Variants in ARHGAP8 observed in about 807,000 individuals in gnomAD.
ARHGAP8 encodes the protein Rho GTPase activating protein 8.
ARHGAP8 carries 62 observed loss-of-function variants against 46.1 expected under a neutral mutation model. The observed-to-expected ratio is 1.34, with a 90% CI of 1.10 to 1.66. ARHGAP8 has a LOEUF of 1.66. Ranked by LOEUF, ARHGAP8 falls within the 40% of genes most tolerant of loss-of-function variation. ARHGAP8 has a pLI of 0.00. For missense variants in ARHGAP8, 923 were observed against 568.4 expected (o/e 1.62, Z -6.34); for synonymous variants, 375 against 243.1 (o/e 1.54, Z -5.05).
chr22:44,811,767 G>GACC (rs1929351188), intron 4 of ARHGAP8, among the ~76,000 whole-genome samples: 2 of 152,098 alleles, frequency 1.3e-5, no homozygotes, highest in African/African-American at 4.8e-5. Context: ...AGTCTGAGGC[G>GACC]GGTGAGTCAT....
At chr22:44,821,205 G>A (rs1930109765) in intron 5 of ARHGAP8, among the ~76,000 whole-genome samples, 1 of 152,108 alleles carries the variant, frequency 6.6e-6, no homozygotes, top group East Asian at 1.9e-4. Context: ...GCCAAGGCGG[G>A]CGGATCACGA....
chr22:44,801,368 G>GA (rs1161643528), intron 2 of ARHGAP8, among the ~76,000 whole-genome samples: 2 of 56,618 alleles, frequency 3.5e-5, no homozygotes, highest in Admixed American at 1.8e-4. Flanking sequence ...GTCTATGTGT[G>GA]GGGGCACCTC....
chr22:44,845,279 A>G lies in ARHGAP8; in HGVS notation c.607A>G (p.Lys203Glu), dbSNP rs1471086264. Reference sequence around the variant, plus strand: ...TTTCTGTTTTCTCAGCCTCAAAGACAAAAATCAAGGCGAACTCATCCCCCC... The same window carrying G: ...TTTCTGTTTTCTCAGCCTCAAAGACGAAAATCAAGGCGAACTCATCCCCCC... ...FGVSLQYLKD[K>E]NQGELIPPVL... The change falls in exon 8 of 12, where the codon AAA becomes GAA. Residue 203 changes from lysine to glutamate, a missense_variant. Physicochemically the swap from Lys to Glu is moderately conservative, Grantham distance 56. Transcript: ENST00000356099. The G allele has an allele frequency of 1.2e-6, 2 of 1,614,146 alleles. No homozygotes were observed. The highest frequency in any genetic ancestry group is 1.7e-5 in the Admixed American group (1 of 60,022).
chr22:44,791,230 T>A (rs187339993), intron 2 of ARHGAP8, among the ~76,000 whole-genome samples: 2 of 152,136 alleles, frequency 1.3e-5, no homozygotes, highest in East Asian at 3.9e-4. Flanking sequence ...TTCCGTGTCA[T>A]TAGGGGGCTG....
At chr22:44,771,701 C>G (rs934384472) in intron 1 of ARHGAP8, among the ~76,000 whole-genome samples, 17 of 151,358 alleles carry the variant, frequency 1.1e-4, no homozygotes, top group African/African-American at 1.5e-4. Flanking sequence ...ATTACAGGCA[C>G]CTGCCAACAC....
At chr22:44,809,392 C>T (rs1487775778) in intron 4 of ARHGAP8, 2 of 356,854 alleles carry the variant, frequency 5.6e-6, no homozygotes, top group African/African-American at 2.1e-5. Context: ...ACCCCTGGTC[C>T]AGTGAATTAC....
At chr22:44,799,176 C>A (rs966325076) in intron 2 of ARHGAP8, among the ~76,000 whole-genome samples, 29 of 152,218 alleles carry the variant, frequency 1.9e-4, no homozygotes, top group African/African-American at 7.0e-4. Context: ...GGAACCTTGG[C>A]CAAGGAACCT....
intron 7 of ARHGAP8, among the ~76,000 whole-genome samples, chr22:44,841,474 G>C (rs1053293767): frequency 2.0e-5 from 3 of 152,148 alleles, no homozygotes; most frequent in African/African-American, 7.2e-5. Context: ...TGCACTCCTA[G>C]CTCCACGTGG....
intron 4 of ARHGAP8, 140 bp from the exon 5 acceptor site, chr22:44,814,532 G>C: frequency 1.4e-6 from 1 of 707,724 alleles, no homozygotes; most frequent in Non-Finnish European, 2.3e-6. Context: ...TTCATTCTTT[G>C]TTTGATGTCC....
At chr22:44,799,396 G>A (rs1289884859) in intron 2 of ARHGAP8, among the ~76,000 whole-genome samples, 1 of 152,214 alleles carries the variant, frequency 6.6e-6, no homozygotes, top group Non-Finnish European at 1.5e-5. Flanking sequence ...CGGATGCGGG[G>A]GGCAACAGCT....
intron 7 of ARHGAP8, among the ~76,000 whole-genome samples, chr22:44,843,061 G>T (rs1488227324): frequency 1.3e-5 from 2 of 152,182 alleles, no homozygotes; most frequent in African/African-American, 4.8e-5. Context: ...CCAGAGGTGG[G>T]CAGTTGGAAT....
chr22:44,840,776 C>T (rs1261434377), intron 7 of ARHGAP8, among the ~76,000 whole-genome samples: 1 of 152,188 alleles, frequency 6.6e-6, no homozygotes. Context: ...AGGATGAGGA[C>T]CTGCTTCCTG....
At position 44,859,817 on chromosome 22, in the gene ARHGAP8, A is replaced by T; in HGVS notation, c.964A>T (p.Met322Leu). 2 of 1,613,050 alleles carry T rather than the reference A, an allele frequency of 1.2e-6. No individual in the cohort carries two copies. The highest frequency in any genetic ancestry group is 1.7e-6 in the Non-Finnish European group (2 of 1,179,188). The change falls in exon 11 of 12, where the codon ATG (methionine) becomes TTG (leucine). Residue 322 changes from methionine (M) to leucine (L), a missense_variant. Coordinates refer to ENST00000356099, the MANE Select transcript of ARHGAP8 (RefSeq NM_181335.3). ...CAACTACGTCGTCCTCCGCTACCTC[A>T]TGGGCTTCCTGCATGCGGTGAGTGG... The part of the protein sequence containing the change: ...EHNYVVLRYL[M>L]GFLHAVSRES...
chr22:44,775,541 G>A (rs1159565434), intron 1 of ARHGAP8, among the ~76,000 whole-genome samples: 3 of 151,986 alleles, frequency 2.0e-5, no homozygotes, highest in East Asian at 1.9e-4. Flanking sequence ...TCTGCCTCCC[G>A]GGTTCAAGCG....
intron 7 of ARHGAP8, among the ~76,000 whole-genome samples, chr22:44,837,169 G>A (rs905993344): frequency 1.3e-5 from 2 of 152,348 alleles, no homozygotes; most frequent in Admixed American, 1.3e-4. Flanking sequence ...ACAGGCGTGA[G>A]CCACTGCACC....
At chr22:44,753,733 A>C (rs132435) in intron 1 of ARHGAP8, among the ~76,000 whole-genome samples, 40,486 of 151,786 alleles carry the variant, frequency 0.27, 5,841 homozygotes, top group South Asian at 0.49. Flanking sequence ...TCCACCCGGG[A>C]AGGAGGGTGG....
intron 2 of ARHGAP8, among the ~76,000 whole-genome samples, chr22:44,791,010 G>A (rs918777025): frequency 6.6e-6 from 1 of 152,066 alleles, no homozygotes; most frequent in Non-Finnish European, 1.5e-5. Context: ...CAGGATTACA[G>A]GCGTGAGCCA....
At chr22:44,845,940 C>A (rs2069944341) in intron 8 of ARHGAP8, among the ~76,000 whole-genome samples, 1 of 152,160 alleles carries the variant, frequency 6.6e-6, no homozygotes, top group Non-Finnish European at 1.5e-5. Context: ...TGCAGGTGTG[C>A]TAGGTGGGCC....
chr22:44,810,635 G>T (rs1929267601), intron 4 of ARHGAP8, among the ~76,000 whole-genome samples: 1 of 152,222 alleles, frequency 6.6e-6, no homozygotes, highest in Non-Finnish European at 1.5e-5. Context: ...CAGGAAGGCT[G>T]CATGGAGGAA....
Sources: allele counts gnomAD v4.1 joint callset (sites outside exome capture counted in the v4.1 genomes callset), GRCh38; gene constraint gnomAD v4.1.1; transcripts MANE v1.5; gene names NCBI Gene and HGNC (gene_info 2026-07-23, HGNC 2026-07-21).